DRD2: variants seen among roughly 807,000 people sequenced by gnomAD.
DRD2 encodes the protein D(2) dopamine receptor.
A neutral mutation model predicts 38.0 loss-of-function variants in DRD2; 8 were observed. The observed-to-expected ratio is 0.21, with a 90% CI of 0.12 to 0.38. DRD2 has a LOEUF of 0.38. DRD2 is among the 10% of genes least tolerant of loss of function. The pLI, the probability that DRD2 is intolerant of heterozygous loss-of-function variation, is 1.00. For synonymous variants in DRD2, 230 were observed against 238.6 expected (o/e 0.96, Z 0.33); for missense variants, 403 against 607.7 (o/e 0.66, Z 3.54).
intron 1 of DRD2, chr11:113,424,911 T>C (rs549969947): frequency 1.8e-5 from 10 of 548,512 alleles, no homozygotes; most frequent in African/African-American, 1.3e-4. Flanking sequence ...AAATGCATAA[T>C]AAGATGAGCT....
At chr11:113,441,820 T>C (rs1369248729) in intron 1 of DRD2, among the ~76,000 whole-genome samples, 2 of 151,846 alleles carry the variant, frequency 1.3e-5, no homozygotes, top group South Asian at 2.1e-4. Flanking sequence ...CCATCTCTAC[T>C]AAAAATATAA....
intron 1 of DRD2, among the ~76,000 whole-genome samples, chr11:113,428,349 C>T (rs987696020): frequency 6.6e-6 from 1 of 152,188 alleles, no homozygotes; most frequent in African/African-American, 2.4e-5. Context: ...CAGGGTAGGG[C>T]CTTTAATCCC....
intron 1 of DRD2, among the ~76,000 whole-genome samples, chr11:113,429,545 A>G (rs1031720221): frequency 1.3e-5 from 2 of 152,178 alleles, no homozygotes; most frequent in East Asian, 1.9e-4. Flanking sequence ...GCACCCGGCC[A>G]GTACAGGGCT....
intron 1 of DRD2, among the ~76,000 whole-genome samples, chr11:113,459,333 C>G (rs532257406): frequency 6.6e-6 from 1 of 152,148 alleles, no homozygotes; most frequent in Admixed American, 6.5e-5. Context: ...TTTGTCACCC[C>G]CAATGCAGCT....
chr11:113,413,464 C>T (rs533985100), intron 6 of DRD2: 2 of 449,428 alleles, frequency 4.5e-6, no homozygotes, highest in Non-Finnish European at 9.1e-6. Context: ...TGGATCCACT[C>T]ATGGCCTCCT....
intron 1 of DRD2, among the ~76,000 whole-genome samples, chr11:113,460,130 C>A (rs761765109): frequency 3.2e-4 from 48 of 152,360 alleles, no homozygotes; most frequent in Non-Finnish European, 5.3e-4. Flanking sequence ...TGATTAGAGG[C>A]ACTATCAAAT....
intron 1 of DRD2, among the ~76,000 whole-genome samples, chr11:113,465,264 CTAAG>C (rs1951357396): frequency 2.0e-5 from 3 of 152,178 alleles, no homozygotes; most frequent in Non-Finnish European, 4.4e-5. Flanking sequence ...CCACATCCGG[CTAAG>C]TTTTGTAGTA....
At position 113,417,016 on chromosome 11, in the gene DRD2, C is replaced by T; in HGVS notation, c.396-17G>A. 6.2e-7 allele frequency: 1 copy of T among 1,612,906 alleles called. No individual in the cohort carries two copies. Among genetic ancestry groups the T allele is most frequent in the Non-Finnish European group, 8.5e-7 (1 of 1,179,316 alleles). On this transcript the variant is annotated splice_polypyrimidine_tract_variant and intron_variant, in intron 3 of 7. Coordinates refer to ENST00000362072, the MANE Select transcript of DRD2 (RefSeq NM_000795.4). ...GCTGTGTACCTGCAAGGGCGGGGGA[C>T]CCTGAATCTGGGGTGCAGGCCCAGG...
intron 1 of DRD2, among the ~76,000 whole-genome samples, chr11:113,433,247 G>C (rs985861687): frequency 7.9e-5 from 12 of 152,212 alleles, no homozygotes; most frequent in Non-Finnish European, 5.9e-5. Context: ...ACAGGGGAGT[G>C]GGGTGTGAGG....
chr11:113,466,403 C>T (rs914911199), intron 1 of DRD2, among the ~76,000 whole-genome samples: 5 of 147,384 alleles, frequency 3.4e-5, no homozygotes, highest in Non-Finnish European at 7.5e-5. Context: ...AACAAACACA[C>T]CTGTGTATGT....
chr11:113,414,275 C>T, intron 6 of DRD2, 100 bp downstream of exon 6: 1 of 1,127,144 alleles, frequency 8.9e-7, no homozygotes, highest in Non-Finnish European at 1.4e-6. Flanking sequence ...TTCTGGGGTG[C>T]TTCTCCCATT....
intron 1 of DRD2, chr11:113,474,463 G>C (rs1247337635): frequency 6.6e-6 from 1 of 152,212 alleles, no homozygotes; most frequent in Non-Finnish European, 1.5e-5. Flanking sequence ...TCCCCGACTA[G>C]GTGTCAACCC....
intron 1 of DRD2, among the ~76,000 whole-genome samples, chr11:113,470,642 C>T (rs1279194828): frequency 6.6e-6 from 1 of 152,186 alleles, no homozygotes; most frequent in Non-Finnish European, 1.5e-5. Flanking sequence ...ATTGCCCAAA[C>T]TACACTAAGC....
At chr11:113,459,576 T>G (rs1951298311) in intron 1 of DRD2, among the ~76,000 whole-genome samples, 2 of 152,074 alleles carry the variant, frequency 1.3e-5, no homozygotes, top group Non-Finnish European at 2.9e-5. Context: ...AGCCGAGCAG[T>G]GAGAACTAAA....
intron 1 of DRD2, among the ~76,000 whole-genome samples, chr11:113,452,398 T>C (rs1258193091): frequency 6.6e-6 from 1 of 151,670 alleles, no homozygotes; most frequent in Non-Finnish European, 1.5e-5. Context: ...TTGCTTTCCA[T>C]GTTGAGGAGC....
At chr11:113,413,243 C>T in intron 6 of DRD2, 1 of 606,258 alleles carries the variant, frequency 1.6e-6, no homozygotes, top group Non-Finnish European at 3.2e-6. Flanking sequence ...TTTGGCCCTG[C>T]CTCCAGAAAC....
In DRD2 at chr11:113,412,716, C is replaced by G; in HGVS notation, c.978G>C (p.Glu326Asp). The G allele has an allele frequency of 6.2e-7, 1 of 1,614,198 alleles. No individual in the cohort carries two copies. Among genetic ancestry groups the G allele is most frequent in the African/African-American group, 1.3e-5 (1 of 75,046 alleles). ...GGTGGTCTTTGGCATGCCCATTCTTCTCTGGTTTGGCGGGGCTGTCGGGAG... is the reference window on the plus strand; with the variant it reads ...GGTGGTCTTTGGCATGCCCATTCTTGTCTGGTTTGGCGGGGCTGTCGGGAG... ...HSTPDSPAKP[E>D]KNGHAKDHPK... Residue 326 changes from glutamate (E) to aspartate (D), a missense_variant, in exon 7 of 8, where the codon GAG (glutamate) becomes GAC (aspartate). Glu to Asp is a conservative substitution (Grantham distance 45, BLOSUM62 2). Transcript: ENST00000362072.
chr11:113,444,184 C>A (rs553912181), intron 1 of DRD2, among the ~76,000 whole-genome samples: 1 of 152,266 alleles, frequency 6.6e-6, no homozygotes, highest in Non-Finnish European at 1.5e-5. Flanking sequence ...CACAGGCATG[C>A]ACCACCACAC....
At chr11:113,414,609 A>T in intron 5 of DRD2, 148 bp from the exon 6 acceptor site, 1 of 779,176 alleles carries the variant, frequency 1.3e-6, no homozygotes, top group Non-Finnish European at 2.2e-6. Context: ...AGTTGGGGCA[A>T]GGGGGAAGGC....
Sources: gnomAD v4.1 joint callset for allele counts (sites outside exome capture counted in the v4.1 genomes callset) on GRCh38, gnomAD v4.1.1 for gene constraint, MANE v1.5 for transcripts, NCBI Gene and HGNC (gene_info 2026-07-23, HGNC 2026-07-21) for gene names.